The following HS6ST2 variants were observed in gnomAD, a reference collection of about 807,000 sequenced individuals.
HS6ST2 encodes heparan sulfate 6-O-sulfotransferase 2, also known as heparan-sulfate 6-O-sulfotransferase 2.
A neutral mutation model predicts 33.0 loss-of-function variants in HS6ST2; 17 were observed. The ratio of observed to expected loss-of-function variants is 0.52; its 90% CI spans 0.35 to 0.77. The LOEUF (loss-of-function observed/expected upper bound fraction) is 0.77, where lower values mean the gene tolerates loss of function less well. Ranked by LOEUF, HS6ST2 falls within the 30% of genes least tolerant of loss-of-function variation. The pLI, the probability that HS6ST2 is intolerant of heterozygous loss-of-function variation, is 0.01. For missense variants in HS6ST2, 519 were observed against 551.7 expected, an observed-to-expected ratio of 0.94 and a Z score of 0.59; for synonymous variants, 248 against 237.1, an observed-to-expected ratio of 1.05 and a Z score of -0.42.
intron 2 of HS6ST2, among the ~76,000 whole-genome samples, chrX:132,736,371 C>T (rs1354575542): frequency 8.9e-6 from 1 of 112,152 alleles, no homozygotes; most frequent in African/African-American, 3.2e-5. Flanking sequence ...AATGAAAACA[C>T]ACACATATAG....
At chrX:132,755,046 G>A (rs180933890) in intron 2 of HS6ST2, among the ~76,000 whole-genome samples, 19 of 111,352 alleles carry the variant, frequency 1.7e-4, no homozygotes, top group East Asian at 8.5e-4. Context: ...GTCACTATTC[G>A]CAGTTCATAC....
intron 2 of HS6ST2, among the ~76,000 whole-genome samples, chrX:132,765,040 G>A (rs751708225): frequency 8.9e-6 from 1 of 112,125 alleles, no homozygotes; most frequent in Admixed American, 9.5e-5. Context: ...TAGCAAGTGT[G>A]GTTTTAAGTA....
At chrX:132,774,382 G>A (rs193051968) in intron 2 of HS6ST2, among the ~76,000 whole-genome samples, 12 of 112,268 alleles carry the variant, frequency 1.1e-4, no homozygotes, top group Admixed American at 6.6e-4. Flanking sequence ...TTTTTAGGAC[G>A]AAGTGCAAAT....
chrX:132,656,937 G>T (rs1245697176), intron 4 of HS6ST2, among the ~76,000 whole-genome samples: 1 of 111,524 alleles, frequency 9.0e-6, no homozygotes, highest in African/African-American at 3.3e-5. Context: ...GAAGGACATG[G>T]TAAGTGCATC....
At chrX:132,692,269 G>A (rs372800260) in intron 3 of HS6ST2, among the ~76,000 whole-genome samples, 33 of 111,038 alleles carry the variant, frequency 3.0e-4, no homozygotes, top group East Asian at 1.7e-3. Flanking sequence ...CAGTTCTTCC[G>A]CCCGGGTGAC....
At position 132,813,629 on chromosome X, in the gene HS6ST2, T is replaced by C. The variant is rs186565374; in HGVS notation, c.948-105135A>G. On this transcript the variant is annotated intron_variant, in intron 2 of 4. Coordinates refer to ENST00000370833, the MANE Select transcript of HS6ST2 (RefSeq NM_001394073.1). ...CACAACATACAGGCTGAAAAAATCA[T>C]GCCTTCATTGGTGACTCTCTTTGAC... 1.2e-3 allele frequency among the ~76,000 whole-genome samples: 129 copies of C among 111,518 alleles called. 1 individual carries two copies. The highest frequency in any genetic ancestry group is 4.6e-3 in the Middle Eastern group (1 of 219).
intron 4 of HS6ST2, among the ~76,000 whole-genome samples, chrX:132,656,652 T>G (rs773225088): frequency 1.8e-5 from 2 of 111,810 alleles, no homozygotes; most frequent in East Asian, 5.6e-4. Context: ...TGCAAACTCA[T>G]AGTTTAGCTC....
At chrX:132,712,754 G>A (rs1259282161) in intron 2 of HS6ST2, among the ~76,000 whole-genome samples, 3 of 111,798 alleles carry the variant, frequency 2.7e-5, no homozygotes, top group Non-Finnish European at 5.6e-5. Flanking sequence ...GGTGGGGCAT[G>A]GTAGCTCACG....
intron 2 of HS6ST2, among the ~76,000 whole-genome samples, chrX:132,803,384 G>A (rs1449128751): frequency 9.0e-6 from 1 of 111,371 alleles, no homozygotes; most frequent in African/African-American, 3.3e-5. Context: ...ACAGAAAATG[G>A]GGTGTGAAGG....
At chrX:132,704,049 G>GA (rs758789736) in intron 3 of HS6ST2, among the ~76,000 whole-genome samples, 2 of 111,337 alleles carry the variant, frequency 1.8e-5, no homozygotes, top group African/African-American at 6.5e-5. Flanking sequence ...ATGAATGAAA[G>GA]AAAAAAATCT....
intron 2 of HS6ST2, among the ~76,000 whole-genome samples, chrX:132,717,276 G>T (rs1297298929): frequency 1.8e-5 from 2 of 112,839 alleles, no homozygotes; most frequent in Non-Finnish European, 3.7e-5. Flanking sequence ...AATGAAAAGA[G>T]GCCATGTGCT....
Position 132,680,465 on chromosome X carries a change from G to A in HS6ST2, c.981-11266C>T, listed in dbSNP as rs186642427. Reference sequence around the variant, plus strand: ...CGGATGCAGAACTTAGCTGGATATAGAGATCTCAGCTGAAGAATGGTCTTT... The same window carrying A: ...CGGATGCAGAACTTAGCTGGATATAAAGATCTCAGCTGAAGAATGGTCTTT... On this transcript the variant is annotated intron_variant, in intron 3 of 4. Transcript: ENST00000370833. 1.8e-3 allele frequency among the ~76,000 whole-genome samples: 196 copies of A among 111,742 alleles called. 1 individual carries two copies. The highest frequency in any genetic ancestry group is 6.0e-3 in the African/African-American group (186 of 30,802).
chrX:132,811,685 A>AATATATATATAT lies in HS6ST2; in HGVS notation c.948-103203_948-103192dup, dbSNP rs56390608. 7.0e-3 allele frequency among the ~76,000 whole-genome samples: 208 copies of AATATATATATAT among 29,786 alleles called. 8 individuals carry two copies. Among genetic ancestry groups the AATATATATATAT allele is most frequent in the East Asian group, 0.014 (9 of 655 alleles). 25.9% of individuals were successfully genotyped at this position (29,786 alleles called of 115,157 possible). ...CAGAACTTTGTTTTAAAGGCTGAAT[A>AATATATATATAT]ATATATATATATATATATATATATA... On this transcript the variant is annotated intron_variant, in intron 2 of 4. Coordinates refer to ENST00000370833, the MANE Select transcript of HS6ST2 (RefSeq NM_001394073.1).
rs934079107 is a variant in HS6ST2 at position 132,664,301 on chromosome X, G to A, written c.1067+4812C>T. 4.5e-5 allele frequency among the ~76,000 whole-genome samples: 5 copies of A among 112,162 alleles called. 1 individual carries two copies. Reference sequence around the variant, plus strand: ...TGGGATTACAGGTGTGAGCCACCACGCCCAGCCTTCACTTTATTTTTCTAA... The same window carrying A: ...TGGGATTACAGGTGTGAGCCACCACACCCAGCCTTCACTTTATTTTTCTAA... On this transcript the variant is annotated intron_variant, in intron 4 of 4. Transcript: ENST00000370833.
chrX:132,628,327 T>C lies in HS6ST2; in HGVS notation c.1834A>G (p.Lys612Glu). The change falls in exon 5 of 5, where the codon AAG (lysine) becomes GAG (glutamate). Residue 612 changes from lysine (K) to glutamate (E), a missense_variant. By Grantham distance (56) the Lys-to-Glu change is moderately conservative. Transcript: ENST00000370833. ...TGCTTCGGGCTTTCCCGGTTCTCCT[T>C]CTGGCTCAAACTCTGAGTCAGATTC... is the stretch of plus-strand genomic sequence containing the variant. ...MQNLTQSLSQKENRESPKQNS... is the reference protein window; with the variant it reads ...MQNLTQSLSQEENRESPKQNS... 8.6e-7 allele frequency: 1 copy of C among 1,169,005 alleles called. No individual in the cohort carries two copies. Among genetic ancestry groups the C allele is most frequent in the Non-Finnish European group, 1.1e-6 (1 of 873,481 alleles).
intron 2 of HS6ST2, among the ~76,000 whole-genome samples, chrX:132,955,341 T>C (rs2067057307): frequency 8.9e-6 from 1 of 112,463 alleles, no homozygotes; most frequent in Non-Finnish European, 1.9e-5. Flanking sequence ...TGGCAGATTC[T>C]GACACAATTC....
In HS6ST2 at chrX:132,956,718, C is replaced by A. The variant is rs193151194; in HGVS notation, c.947+90G>T. The A allele has an allele frequency of 7.4e-3, 7,624 of 1,025,007 alleles. 38 individuals carry two copies. The highest frequency in any genetic ancestry group is 8.5e-3 in the Non-Finnish European group (6,706 of 789,314). 84.5% of individuals were successfully genotyped at this position (1,025,007 alleles called of 1,213,427 possible). A position where few individuals can be genotyped will look rare whatever the true frequency, so the allele number is the denominator to read the frequency against. On this transcript the variant is annotated intron_variant, in intron 2 of 4. Coordinates refer to ENST00000370833, the MANE Select transcript of HS6ST2 (RefSeq NM_001394073.1). ...GTGCAAACGCCCGGGCGTCAGGGTGCGCGCTAGGTCCCCGGCTTGGGCCAG... is the reference window on the plus strand; with the variant it reads ...GTGCAAACGCCCGGGCGTCAGGGTGAGCGCTAGGTCCCCGGCTTGGGCCAG...
At chrX:132,851,431 C>T in intron 2 of HS6ST2, among the ~76,000 whole-genome samples, 1 of 112,425 alleles carries the variant, frequency 8.9e-6, no homozygotes, top group Non-Finnish European at 1.9e-5. Context: ...CCTGACTTGC[C>T]ACTGTATGAG....
chrX:132,901,967 T>A (rs2066429705), intron 2 of HS6ST2, among the ~76,000 whole-genome samples: 1 of 110,983 alleles, frequency 9.0e-6, no homozygotes, highest in Admixed American at 9.7e-5. Context: ...CCATAAGATT[T>A]AATGTTGTTG....
Sources: allele counts gnomAD v4.1 joint callset (sites outside exome capture counted in the v4.1 genomes callset), GRCh38; gene constraint gnomAD v4.1.1; transcripts MANE v1.5; gene names NCBI Gene and HGNC (gene_info 2026-07-23, HGNC 2026-07-21).